The following KLHL40 variants were observed in gnomAD, a reference collection of about 807,000 sequenced individuals.
KLHL40 encodes kelch like family member 40, also known as kelch-like protein 40.
KLHL40 carries 44 observed loss-of-function variants against 49.7 expected under a neutral mutation model. The ratio of observed to expected loss-of-function variants is 0.89; its 90% CI spans 0.70 to 1.14. KLHL40 has a LOEUF of 1.14. Among genes scored for constraint, KLHL40 ranks in the 50% most tolerant of loss-of-function variants. The pLI is 0.00. For missense variants in KLHL40, 892 were observed against 850.3 expected (o/e 1.05, Z -0.61); for synonymous variants, 409 against 365.2 (o/e 1.12, Z -1.37).
In KLHL40 at chr3:42,685,832, C is replaced by T; in HGVS notation, c.214C>T (p.Leu72=). 1 of 1,613,230 alleles carries T rather than the reference C, an allele frequency of 6.2e-7. No individual in the cohort carries two copies. The highest frequency in any genetic ancestry group is 1.1e-5 in the South Asian group (1 of 91,082). ...AGCCGAGCCGGAGCGCGCGGGCGAG[C>T]TGCACCTGGAGGAGGTGTCCCCGGA... ...FLAEPERAGE[L]HLEEVSPDVV... Residue 72 remains leucine, a synonymous_variant, in exon 1 of 6, where the codon CTG becomes TTG. Coordinates refer to ENST00000287777, the MANE Select transcript of KLHL40 (RefSeq NM_152393.4).
chr3:42,685,553 A>G lies in KLHL40; in HGVS notation c.-66A>G. 1 of 1,458,616 alleles carries G rather than the reference A, an allele frequency of 6.9e-7. No homozygotes were observed. The highest frequency in any genetic ancestry group is 9.2e-7 in the Non-Finnish European group (1 of 1,085,120). The allele number at this position is 1,458,616 out of a possible 1,614,324, so 90.4% of individuals were successfully genotyped here. A position where few individuals can be genotyped will look rare whatever the true frequency, so the allele number is the denominator to read the frequency against. ...CAGCTGCTCAGTCTAAGCAAACCCC[A>G]GCAGGAAAGCAGGGGTACAGAGAGG... is the stretch of plus-strand genomic sequence containing the variant. On this transcript the variant is annotated 5_prime_UTR_variant, in exon 1 of 6. Coordinates refer to ENST00000287777, the MANE Select transcript of KLHL40 (RefSeq NM_152393.4).
In KLHL40 at chr3:42,686,070, C is replaced by A. The variant is rs758904479; in HGVS notation, c.452C>A (p.Ala151Asp). Residue 151 changes from alanine (A) to aspartate (D), a missense_variant, in exon 1 of 6, where the codon GCT (alanine) becomes GAT (aspartate). Coordinates refer to ENST00000287777, the MANE Select transcript of KLHL40 (RefSeq NM_152393.4). Reference protein sequence around the residue: ...LLLDCARLAVAARDFICAHFT... With the variant: ...LLLDCARLAVDARDFICAHFT... ...CTCGACTGCGCGCGTCTCGCCGTGG[C>A]TGCCCGCGACTTCATCTGCGCTCAC... 1.2e-6 allele frequency: 2 copies of A among 1,604,136 alleles called. No individual in the cohort carries two copies. The highest frequency in any genetic ancestry group is 3.3e-5 in the Admixed American group (2 of 60,024).
At chr3:42,691,087 T>C in intron 5 of KLHL40, 82 bp downstream of exon 5, 1 of 1,413,600 alleles carries the variant, frequency 7.1e-7, no homozygotes, top group African/African-American at 1.4e-5. Flanking sequence ...ACCAAGGCAC[T>C]GGGCAAGCTC....
intron 1 of KLHL40, among the ~76,000 whole-genome samples, chr3:42,687,341 A>G (rs965886991): frequency 1.3e-5 from 2 of 152,166 alleles, no homozygotes; most frequent in African/African-American, 2.4e-5. Flanking sequence ...GTGAAGGGGA[A>G]GATGGCAGTG....
In KLHL40 at chr3:42,688,339, G is replaced by A. The variant is rs752725392; in HGVS notation, c.1313+37G>A. On this transcript the variant is annotated intron_variant, in intron 2 of 5. Transcript: ENST00000287777. The surrounding 1 kb of genome is among the most constrained non-coding windows in gnomAD (Gnocchi z 4.2). Reference sequence around the variant, plus strand: ...TGGGGTGGGGCTGAGCTCCGTGGGGGTGAGTGGGGCATGGAGGCCGCAGCT... The same window carrying A: ...TGGGGTGGGGCTGAGCTCCGTGGGGATGAGTGGGGCATGGAGGCCGCAGCT... The A allele has an allele frequency of 3.1e-6, 5 of 1,608,840 alleles. No homozygotes were observed. Among genetic ancestry groups the A allele is most frequent in the Non-Finnish European group, 4.3e-6 (5 of 1,176,044 alleles).
At position 42,691,878 on chromosome 3, in the gene KLHL40, C is replaced by T. The variant is rs1433014668; in HGVS notation, c.1755-4C>T. ...TCCTTGTCCCCACTCTCTCTCATCC[C>T]CAGGTATAACGAGGAGGAGAAGAAA... is the stretch of plus-strand genomic sequence containing the variant. On this transcript the variant is annotated splice_polypyrimidine_tract_variant and splice_region_variant and intron_variant, in intron 5 of 5. Transcript: ENST00000287777. 1.3e-6 allele frequency: 2 copies of T among 1,582,564 alleles called. No individual in the cohort carries two copies. The highest frequency in any genetic ancestry group is 1.7e-6 in the Non-Finnish European group (2 of 1,151,410).
Position 42,685,958 on chromosome 3 carries a change from C to G in KLHL40, c.340C>G (p.Pro114Ala). Residue 114 changes from proline to alanine, a missense_variant, in exon 1 of 6, where the codon CCT (proline) becomes GCT (alanine). Physicochemically the swap from Pro to Ala is conservative, Grantham distance 27. Transcript: ENST00000287777. ...LFAAAHRFQI[P>A]SIFTICVSFL... ...CGCCGCGGCACACCGCTTCCAGATC[C>G]CTTCCATCTTCACCATCTGCGTGTC... 6.2e-7 allele frequency: 1 copy of G among 1,611,910 alleles called. No homozygotes were observed. The highest frequency in any genetic ancestry group is 8.5e-7 in the Non-Finnish European group (1 of 1,179,970).
Position 42,692,021 on chromosome 3 carries a change from C to A in KLHL40, c.*28C>A. 1 of 1,358,818 alleles carries A rather than the reference C, an allele frequency of 7.4e-7. No homozygotes were observed. The highest frequency in any genetic ancestry group is 1.1e-6 in the Non-Finnish European group (1 of 947,666). The allele number at this position is 1,358,818 out of a possible 1,614,324, so 84.2% of individuals were successfully genotyped here. A position where few individuals can be genotyped will look rare whatever the true frequency, so the allele number is the denominator to read the frequency against. ...AGCTCAGGCAGACTGAACTAAGCACCCCTCCCATCCTGCGACCCTCACTGG... is the reference window on the plus strand; with the variant it reads ...AGCTCAGGCAGACTGAACTAAGCACACCTCCCATCCTGCGACCCTCACTGG... On this transcript the variant is annotated 3_prime_UTR_variant, in exon 6 of 6. Coordinates refer to ENST00000287777, the MANE Select transcript of KLHL40 (RefSeq NM_152393.4).
In KLHL40 at chr3:42,686,659, C is replaced by T. The variant is rs1011701936; in HGVS notation, c.1041C>T (p.Val347=). 9 of 1,613,860 alleles carry T rather than the reference C, an allele frequency of 5.6e-6. No individual in the cohort carries two copies. Among genetic ancestry groups the T allele is most frequent in the Non-Finnish European group, 7.6e-6 (9 of 1,180,030 alleles). Residue 347 remains valine, a synonymous_variant, in exon 1 of 6, where the codon GTC becomes GTT. Coordinates refer to ENST00000287777, the MANE Select transcript of KLHL40 (RefSeq NM_152393.4). ...ECYCASLSNQ[V]PKNHVSLVTK... is the part of the protein sequence containing the mutation. ...ACTGTGCTTCCCTCTCCAACCAGGT[C>T]CCCAAGAACCACGTCAGCCTGGTTA...
chr3:42,687,993 G>C, intron 1 of KLHL40, 149 bp from the exon 2 acceptor site: 1 of 833,260 alleles, frequency 1.2e-6, no homozygotes, highest in East Asian at 2.7e-5. Flanking sequence ...GATGGTAGGA[G>C]GGGCACTGTT....
chr3:42,688,294 C>CG lies in KLHL40; in HGVS notation c.1306dup (p.Asp436GlyfsTer9). On this transcript the variant is annotated frameshift_variant, in exon 2 of 6. Coordinates refer to ENST00000287777, the MANE Select transcript of KLHL40 (RefSeq NM_152393.4). LOFTEE classifies it high-confidence loss of function. The surrounding 1 kb of genome is among the most constrained non-coding windows in gnomAD (Gnocchi z 4.2). ...GCTGCCTGGACTCGGTCATGTGCTA[C>CG]GACAGGCTGTGAGCATGGCTGGGGT... The CG allele has an allele frequency of 6.2e-7, 1 of 1,613,830 alleles. No homozygotes were observed. The highest frequency in any genetic ancestry group is 1.1e-5 in the South Asian group (1 of 91,066).
intron 5 of KLHL40, 94 bp downstream of exon 5, chr3:42,691,099 T>G: frequency 3.1e-6 from 4 of 1,309,866 alleles, no homozygotes; most frequent in Non-Finnish European, 4.1e-6. Flanking sequence ...GGCAAGCTCC[T>G]CTGGGGGCAA....
rs766839036 is a variant in KLHL40, at chr3:42,688,700, C to T, written c.1404C>T (p.Gly468=). Residue 468 remains glycine, a synonymous_variant, in exon 3 of 6, where the codon GGC becomes GGT. Coordinates refer to ENST00000287777, the MANE Select transcript of KLHL40 (RefSeq NM_152393.4). This position sits in a 1 kb window ranked among gnomAD's most constrained non-coding sequence, Gnocchi z 4.2. ...LSHMDLVYVI[G]GKGSDRKCLN... ...ACATGGACCTTGTCTACGTAATTGG[C>T]GGCAAAGGCAGTGACAGGTGAGGCT... 37 of 1,613,436 alleles carry T rather than the reference C, an allele frequency of 2.3e-5. No homozygotes were observed. Among genetic ancestry groups the T allele is most frequent in the African/African-American group, 5.3e-5 (4 of 74,880 alleles).
rs774662858 is a variant in KLHL40 at position 42,686,136 on chromosome 3, C to A, written c.518C>A (p.Ser173Ter). Reference sequence around the variant, plus strand: ...CGCGACGCTGACTTCCTCGGACTCTCGGCCGACGAGCTCATCGCCATCATC... The same window carrying A: ...CGCGACGCTGACTTCCTCGGACTCTAGGCCGACGAGCTCATCGCCATCATC... ...VARDADFLGL[S>*]ADELIAIISS... Residue 173 changes from serine to a stop codon, truncating the protein, a stop_gained, in exon 1 of 6, where the codon TCG becomes TAG. Transcript: ENST00000287777. LOFTEE classifies it high-confidence loss of function. 1.9e-6 allele frequency: 3 copies of A among 1,597,882 alleles called. No individual in the cohort carries two copies. The highest frequency in any genetic ancestry group is 2.2e-5 in the East Asian group (1 of 44,794).
Position 42,686,180 on chromosome 3 carries a change from G to A in KLHL40, c.562G>A (p.Val188Met), listed in dbSNP as rs1008895296. 1 of 1,585,776 alleles carries A rather than the reference G, an allele frequency of 6.3e-7. No homozygotes were observed. The highest frequency in any genetic ancestry group is 8.5e-7 in the Non-Finnish European group (1 of 1,170,584). The change falls in exon 1 of 6, where the codon GTG becomes ATG. Residue 188 changes from valine to methionine, a missense_variant. Transcript: ENST00000287777. ...IAIISSDGLN[V>M]EKEEAVFEAV... ...CATCATCTCCAGCGACGGCCTTAAC[G>A]TGGAGAAGGAGGAGGCAGTGTTCGA...
In KLHL40 at chr3:42,689,039, G is replaced by A. The variant is rs1697322198; in HGVS notation, c.1592G>A (p.Ser531Asn). 5 of 1,612,224 alleles carry A rather than the reference G, an allele frequency of 3.1e-6. No homozygotes were observed. The highest frequency in any genetic ancestry group is 4.2e-6 in the Non-Finnish European group (5 of 1,178,686). Reference sequence around the variant, plus strand: ...CTGACCAGTTCTGCCGAAGTGTACAGCATCACAGACAACAAGTATGAAAGC... The same window carrying A: ...CTGACCAGTTCTGCCGAAGTGTACAACATCACAGACAACAAGTATGAAAGC... ...TGLTSSAEVYSITDNKWAPFE... is the reference protein window; with the variant it reads ...TGLTSSAEVYNITDNKWAPFE... The change falls in exon 4 of 6, where the codon AGC (serine) becomes AAC (asparagine). Residue 531 changes from serine (S) to asparagine (N), a missense_variant. By Grantham distance (46) the Ser-to-Asn change is conservative (BLOSUM62 1). Transcript: ENST00000287777.
At position 42,686,307 on chromosome 3, in the gene KLHL40, C is replaced by T. The variant is rs1697272075; in HGVS notation, c.689C>T (p.Pro230Leu). 1 of 1,597,960 alleles carries T rather than the reference C, an allele frequency of 6.3e-7. No homozygotes were observed. Among genetic ancestry groups the T allele is most frequent in the Non-Finnish European group, 8.5e-7 (1 of 1,172,362 alleles). Residue 230 changes from proline (P) to leucine (L), a missense_variant, in exon 1 of 6, where the codon CCG becomes CTG. Coordinates refer to ENST00000287777, the MANE Select transcript of KLHL40 (RefSeq NM_152393.4). ...GAGAGCGTGCGCTGCCGCTTGCTGC[C>T]GCGCGCCTTTCTGGAAAGCCGCGTG... ...VFESVRCRLL[P>L]RAFLESRVER...
chr3:42,690,715 G>C (rs111756165), intron 4 of KLHL40, 144 bp from the exon 5 acceptor site: 7 of 752,370 alleles, frequency 9.3e-6, no homozygotes, highest in Admixed American at 5.8e-5. Flanking sequence ...CAGAGGGACA[G>C]GGAAGGGGAA....
chr3:42,692,188 T>C lies in KLHL40; in HGVS notation c.*195T>C. On this transcript the variant is annotated 3_prime_UTR_variant, in exon 6 of 6. Transcript: ENST00000287777. ...GGACTTTTGGGCAAGGGTGAGAAAC[T>C]AGAGGCTTCTCCAGTGTTGCCATAT... The C allele has an allele frequency of 1.8e-6, 1 of 569,492 alleles. No homozygotes were observed. Among genetic ancestry groups the C allele is most frequent in the Non-Finnish European group, 3.1e-6 (1 of 317,816 alleles). The allele number at this position is 569,492 out of a possible 1,614,324, so 35.3% of individuals were successfully genotyped here. A position where few individuals can be genotyped will look rare whatever the true frequency, so the allele number is the denominator to read the frequency against.
Sources: allele counts gnomAD v4.1 joint callset (sites outside exome capture counted in the v4.1 genomes callset), GRCh38; gene constraint gnomAD v4.1.1; non-coding constraint Gnocchi (gnomAD v3.1); transcripts MANE v1.5; gene names NCBI Gene and HGNC (gene_info 2026-07-23, HGNC 2026-07-21).